RHAG: variants seen among roughly 807,000 people sequenced by gnomAD.
RHAG encodes the protein ammonium transporter Rh type A.
Under a neutral mutation model 42.4 loss-of-function variants are expected in RHAG, and 25 were observed. That is an observed-to-expected ratio of 0.59 (90% CI 0.43 to 0.82). RHAG has a LOEUF of 0.82. RHAG is among the 40% of genes least tolerant of loss of function. The pLI, the probability that RHAG is intolerant of heterozygous loss-of-function variation, is 0.00. For missense variants in RHAG, 483 were observed against 504.6 expected (o/e 0.96, Z 0.41); for synonymous variants, 182 against 177.7 (o/e 1.02, Z -0.19).
In RHAG at chr6:49,605,763, TC is replaced by T; in HGVS notation, c.*49del. On this transcript the variant is annotated 3_prime_UTR_variant, in exon 10 of 10. Transcript: ENST00000371175. ...GGAGAGCAGGAATGGTGTTTAGACT[TC>T]AGGTTCCAGCTGGCTGTGGTCACCA... is the stretch of plus-strand genomic sequence containing the variant. 1 of 1,559,752 alleles carries T rather than the reference TC, an allele frequency of 6.4e-7. No individual in the cohort carries two copies.
At chr6:49,615,393 A>G (rs1762637621) in intron 4 of RHAG, 3 of 374,238 alleles carry the variant, frequency 8.0e-6, no homozygotes, top group South Asian at 4.1e-5. Flanking sequence ...TGAATTTATT[A>G]TTATTATTAT....
chr6:49,636,351 T>G (rs1438254487), intron 1 of RHAG, among the ~76,000 whole-genome samples: 1 of 152,154 alleles, frequency 6.6e-6, no homozygotes, highest in East Asian at 1.9e-4. Flanking sequence ...TACTTTTCTT[T>G]GCAGAACTAG....
In RHAG at chr6:49,605,771, C is replaced by T. The variant is rs749393447; in HGVS notation, c.*42G>A. On this transcript the variant is annotated 3_prime_UTR_variant, in exon 10 of 10. Transcript: ENST00000371175. ...GGAATGGTGTTTAGACTTCAGGTTC[C>T]AGCTGGCTGTGGTCACCATGTCCAT... 3.8e-6 allele frequency: 6 copies of T among 1,594,564 alleles called. No individual in the cohort carries two copies. The South Asian group carries it at 6.6e-5, about 18-fold the overall frequency.
At chr6:49,631,027 T>G (rs1762927224) in intron 1 of RHAG, among the ~76,000 whole-genome samples, 1 of 152,236 alleles carries the variant, frequency 6.6e-6, no homozygotes, top group Non-Finnish European at 1.5e-5. Flanking sequence ...TTTGATTGTT[T>G]CACCATGATT....
intron 4 of RHAG, chr6:49,615,405 A>T (rs956609413): frequency 3.5e-5 from 14 of 405,190 alleles, no homozygotes; most frequent in Middle Eastern, 7.1e-4. Context: ...TATTATTATT[A>T]TTTTTTAGAG....
At chr6:49,626,941 G>C (rs888136237) in intron 1 of RHAG, among the ~76,000 whole-genome samples, 3 of 152,254 alleles carry the variant, frequency 2.0e-5, no homozygotes, top group African/African-American at 7.2e-5. Context: ...GCCATGACTG[G>C]AGCTGAAGCA....
intron 1 of RHAG, among the ~76,000 whole-genome samples, chr6:49,626,393 C>G (rs1296311757): frequency 2.0e-5 from 3 of 152,210 alleles, no homozygotes; most frequent in Non-Finnish European, 4.4e-5. Context: ...ATCCAATGGG[C>G]AGTCCTTAAA....
intron 1 of RHAG, among the ~76,000 whole-genome samples, chr6:49,631,288 A>G (rs1762931853): frequency 6.6e-6 from 1 of 152,186 alleles, no homozygotes; most frequent in Non-Finnish European, 1.5e-5. Context: ...CTTTTCACCC[A>G]ATGATTTTAG....
At position 49,614,854 on chromosome 6, in the gene RHAG, C is replaced by G; in HGVS notation, c.641-1G>C. On this transcript the variant is annotated splice_acceptor_variant, in intron 4 of 9. Coordinates refer to ENST00000371175, the MANE Select transcript of RHAG (RefSeq NM_000324.3). LOFTEE classifies it high-confidence loss of function. The stretch of plus-strand genomic sequence containing the variant: ...CAAAACATCCACAGAAAGAGAGTCC[C>G]TGTAGTGAACCAAAAGAGGGGATAT... 6.2e-7 allele frequency: 1 copy of G among 1,614,084 alleles called. No individual in the cohort carries two copies. The highest frequency in any genetic ancestry group is 1.3e-5 in the African/African-American group (1 of 75,038).
intron 5 of RHAG, among the ~76,000 whole-genome samples, chr6:49,613,624 G>GGTA (rs1762603719): frequency 1.3e-5 from 2 of 152,088 alleles, no homozygotes; most frequent in South Asian, 4.1e-4. Context: ...CAGCTAGAAG[G>GGTA]GTAGACTGGC....
At chr6:49,615,549 A>C in intron 4 of RHAG, 75 bp downstream of exon 4, 1 of 1,527,746 alleles carries the variant, frequency 6.5e-7, no homozygotes, top group African/African-American at 1.4e-5. Flanking sequence ...TGAGCATCTC[A>C]CACCCTTGTT....
intron 7 of RHAG, among the ~76,000 whole-genome samples, 182 bp from the exon 8 acceptor site, chr6:49,607,402 G>A (rs1313842180): frequency 6.6e-6 from 1 of 152,170 alleles, no homozygotes; most frequent in Non-Finnish European, 1.5e-5. Flanking sequence ...CTCTTGAGCA[G>A]TGTTAGAAAA....
chr6:49,619,156 C>T lies in RHAG; in HGVS notation c.341+23G>A, dbSNP rs1286393122. The T allele has an allele frequency of 7.7e-5, 124 of 1,612,452 alleles. 1 individual carries two copies. The highest frequency in any genetic ancestry group is 9.7e-5 in the Non-Finnish European group (114 of 1,178,702). ...ATGAATTCTGGAGGATGCAAACATT[C>T]AGCCCACAGTAAGGATGCTCACTTT... On this transcript the variant is annotated intron_variant, in intron 2 of 9. Coordinates refer to ENST00000371175, the MANE Select transcript of RHAG (RefSeq NM_000324.3).
rs752971942 is a variant in RHAG, at chr6:49,618,136, G to A, written c.424C>T (p.Leu142=). 1.2e-6 allele frequency: 2 copies of A among 1,614,018 alleles called. No homozygotes were observed. The highest frequency in any genetic ancestry group is 1.7e-6 in the Non-Finnish European group (2 of 1,179,904). The change falls in exon 3 of 10, where the codon CTG becomes TTG. Residue 142 remains leucine (L), a synonymous_variant. Transcript: ENST00000371175. ...ACAATTTCTAAAATTGTCATGATCA[G>A]CATTTGGGTGGGGCTCGTTTTTCCC... The part of the protein sequence containing the change: ...VLGKTSPTQM[L]IMTILEIVFF...
Position 49,619,339 on chromosome 6 carries a change from T to A in RHAG, c.181A>T (p.Ile61Leu). The A allele has an allele frequency of 6.2e-7, 1 of 1,613,756 alleles. No homozygotes were observed. The highest frequency in any genetic ancestry group is 1.3e-5 in the African/African-American group (1 of 74,894). ...YPLFQDVHVM[I>L]FVGFGFLMTF... ...ATGAGGAAGCCAAACCCAACAAATA[T>A]CATAACATGTACATCTTGGAACACT... Residue 61 changes from isoleucine (I) to leucine (L), a missense_variant, in exon 2 of 10, where the codon ATA (isoleucine) becomes TTA (leucine). Transcript: ENST00000371175.
intron 7 of RHAG, among the ~76,000 whole-genome samples, chr6:49,609,770 TTTTTC>T (rs1164637773): frequency 6.6e-6 from 1 of 152,206 alleles, no homozygotes; most frequent in African/African-American, 2.4e-5. Context: ...GAAGATAAGA[TTTTTC>T]TTTTTAAATT....
chr6:49,631,895 C>T (rs964106190), intron 1 of RHAG: 2 of 152,188 alleles, frequency 1.3e-5, no homozygotes, highest in South Asian at 4.1e-4. Flanking sequence ...ATTGTTTACA[C>T]AGTAGAAATC....
At chr6:49,620,542 T>TG (rs200038109) in intron 1 of RHAG, among the ~76,000 whole-genome samples, 13 of 151,392 alleles carry the variant, frequency 8.6e-5, no homozygotes, top group African/African-American at 1.5e-4. Flanking sequence ...TCTCTTTTTT[T>TG]GGGGGGGGAG....
chr6:49,627,465 C>T (rs1017361728), intron 1 of RHAG, among the ~76,000 whole-genome samples: 1 of 152,196 alleles, frequency 6.6e-6, no homozygotes, highest in Non-Finnish European at 1.5e-5. Context: ...AACTTCCAAA[C>T]TTTCCCACAC....
Sources: allele counts gnomAD v4.1 joint callset (sites outside exome capture counted in the v4.1 genomes callset), GRCh38; gene constraint gnomAD v4.1.1; transcripts MANE v1.5; gene names NCBI Gene and HGNC (gene_info 2026-07-23, HGNC 2026-07-21).